The following TXNRD1 variants were observed in gnomAD, a reference collection of about 807,000 sequenced individuals.
TXNRD1 encodes thioredoxin reductase 1, cytoplasmic.
Under a neutral mutation model 80.3 loss-of-function variants are expected in TXNRD1, and 57 were observed. The observed-to-expected ratio is 0.71, with a 90% CI of 0.57 to 0.89. The LOEUF is 0.89. Among genes scored for constraint, TXNRD1 ranks in the 40% least tolerant of loss-of-function variants. The pLI is 0.00. For synonymous variants in TXNRD1, 291 were observed against 285.2 expected (o/e 1.02, Z -0.20); for missense variants, 730 against 803.0 (o/e 0.91, Z 1.10).
At chr12:104,310,110 GGGCTTTTTTTTGTTATTAAAGTTAA>G (rs1025546191) in intron 4 of TXNRD1, 11 of 1,491,216 alleles carry the variant, frequency 7.4e-6, no homozygotes, top group Middle Eastern at 1.8e-4. Flanking sequence ...GTAAGTTTGG[GGGCTTTTTTTTGTTATTAAAGTTAA>G]GGCTTTTTGT....
intron 3 of TXNRD1, among the ~76,000 whole-genome samples, chr12:104,268,904 G>A (rs183106638): frequency 7.9e-4 from 116 of 146,738 alleles, no homozygotes; most frequent in Non-Finnish European, 1.3e-3. Context: ...TTATAAATCC[G>A]TTGTTGTCAT....
At chr12:104,330,117 AT>A (rs921643407) in intron 13 of TXNRD1, among the ~76,000 whole-genome samples, 317 of 151,194 alleles carry the variant, frequency 2.1e-3, no homozygotes, top group African/African-American at 7.3e-3. Flanking sequence ...GGTTCTATGT[AT>A]TTTTTTTTAG....
intron 4 of TXNRD1, among the ~76,000 whole-genome samples, chr12:104,290,721 A>G (rs1208076812): frequency 3.3e-4 from 2 of 6,040 alleles, no homozygotes; most frequent in East Asian, 4.7e-3. Context: ...AGAAATATAC[A>G]TATATATATA....
chr12:104,326,059 C>T (rs973197795), intron 11 of TXNRD1, among the ~76,000 whole-genome samples: 3 of 152,150 alleles, frequency 2.0e-5, no homozygotes, highest in African/African-American at 7.2e-5. Context: ...TAGTTACAGA[C>T]TATGATGTCA....
intron 3 of TXNRD1, among the ~76,000 whole-genome samples, chr12:104,269,830 A>G (rs112954548): frequency 0.12 from 18,578 of 152,068 alleles, 1,483 homozygotes; most frequent in South Asian, 0.22. Flanking sequence ...TGTCCTCCCA[A>G]AGTGCTGGGA....
At chr12:104,268,666 C>T (rs545319447) in intron 3 of TXNRD1, among the ~76,000 whole-genome samples, 24 of 152,128 alleles carry the variant, frequency 1.6e-4, no homozygotes, top group African/African-American at 5.5e-4. Context: ...CTACAGGCTG[C>T]ACTACCACGC....
At chr12:104,266,822 C>T (rs1458653796) in intron 3 of TXNRD1, among the ~76,000 whole-genome samples, 2 of 152,052 alleles carry the variant, frequency 1.3e-5, no homozygotes, top group Admixed American at 6.6e-5. Context: ...ATTAGCCGGG[C>T]GTGTTGGCGG....
chr12:104,307,603 C>A (rs1329860548), intron 4 of TXNRD1, among the ~76,000 whole-genome samples: 2 of 152,138 alleles, frequency 1.3e-5, no homozygotes, highest in African/African-American at 4.8e-5. Flanking sequence ...TATTTTAACG[C>A]AGGTTATTTC....
intron 16 of TXNRD1, among the ~76,000 whole-genome samples, chr12:104,345,716 G>A (rs987129159): frequency 3.9e-5 from 6 of 152,102 alleles, no homozygotes; most frequent in African/African-American, 1.4e-4. Context: ...TCCTTGTAAT[G>A]TCTTAAATGA....
chr12:104,273,464 G>C (rs911593793), intron 3 of TXNRD1, among the ~76,000 whole-genome samples: 1 of 151,916 alleles, frequency 6.6e-6, no homozygotes, highest in African/African-American at 2.4e-5. Context: ...ATGGTGGTGC[G>C]CGCCTATAGT....
rs562899886 is a variant in TXNRD1, at chr12:104,278,743, C to T, written c.305-10188C>T. Among the ~76,000 whole-genome samples the T allele has an allele frequency of 2.2e-4, 34 of 152,128 alleles. No individual in the cohort carries two copies. In the South Asian group the frequency reaches 6.4e-3, roughly 29 times the overall value. ...GTCTTGATCTCCTGACCTCGTGATC[C>T]GCCCGCCTCGGCCTCCCAAAGTGTT... On this transcript the variant is annotated intron_variant, in intron 3 of 16. Transcript: ENST00000525566.
chr12:104,288,673 A>G, intron 3 of TXNRD1: 2 of 1,177,266 alleles, frequency 1.7e-6, no homozygotes, highest in South Asian at 3.2e-5. Context: ...AACCCTGACT[A>G]GAACTCTGAC....
intron 2 of TXNRD1, among the ~76,000 whole-genome samples, chr12:104,252,660 T>A (rs867585553): frequency 0.033 from 1,747 of 52,486 alleles, 43 homozygotes; most frequent in African/African-American, 0.1. Flanking sequence ...ATTTATTATT[T>A]TTTATATATA....
At position 104,252,662 on chromosome 12, in the gene TXNRD1, T is replaced by TATATATATATATATATATATATA. The variant is rs756948232; in HGVS notation, c.243+984_243+985insATATATATATATATATATATATA. On this transcript the variant is annotated intron_variant, in intron 2 of 16. Transcript: ENST00000525566. ...CACTGAGAGGTTAATTTATTATTTT[T>TATATATATATATATATATATATA]TATATATATATATATATATATATAT... Among the ~76,000 whole-genome samples the TATATATATATATATATATATATA allele has an allele frequency of 3.1e-4, 14 of 45,812 alleles. 1 individual carries two copies. The highest frequency in any genetic ancestry group is 8.5e-4 in the African/African-American group (10 of 11,734). 30.1% of individuals were successfully genotyped at this position (45,812 alleles called of 152,430 possible).
Position 104,311,425 on chromosome 12 carries a change from GTGTTGTC to G in TXNRD1, c.537+30_537+36del, listed in dbSNP as rs564735344. On this transcript the variant is annotated intron_variant, in intron 5 of 16. Transcript: ENST00000525566. ...GGCAGCTGCTAAGGCAAGGCTCCTT[GTGTTGTC>G]TGTTGTCTGTTGTCTGGGTGGTGAT... 18 of 1,612,002 alleles carry G rather than the reference GTGTTGTC, an allele frequency of 1.1e-5. No homozygotes were observed. The highest frequency in any genetic ancestry group is 4.5e-5 in the East Asian group (2 of 44,876).
intron 3 of TXNRD1, among the ~76,000 whole-genome samples, chr12:104,278,129 A>G (rs1046818898): frequency 1.0e-4 from 15 of 149,232 alleles, no homozygotes; most frequent in Non-Finnish European, 1.5e-4. Context: ...CACCCGCCTC[A>G]GCCTCCCAAA....
chr12:104,232,295 G>A (rs1241380275), intron 1 of TXNRD1, among the ~76,000 whole-genome samples: 1 of 152,166 alleles, frequency 6.6e-6, no homozygotes, highest in Admixed American at 6.5e-5. Context: ...TGGCACGGTG[G>A]CTCATGCCTA....
At chr12:104,260,391 C>T (rs1453478960) in intron 3 of TXNRD1, among the ~76,000 whole-genome samples, 4 of 152,052 alleles carry the variant, frequency 2.6e-5, no homozygotes, top group Non-Finnish European at 5.9e-5. Context: ...TGCTTGGACC[C>T]GGGAGGCAGA....
intron 16 of TXNRD1, among the ~76,000 whole-genome samples, chr12:104,341,172 G>A (rs142132834): frequency 6.6e-6 from 1 of 152,292 alleles, no homozygotes; most frequent in East Asian, 1.9e-4. Context: ...CCAAAGGCCT[G>A]TTCTCCTTGG....
Sources: gnomAD v4.1 joint callset for allele counts (sites outside exome capture counted in the v4.1 genomes callset) on GRCh38, gnomAD v4.1.1 for gene constraint, MANE v1.5 for transcripts, NCBI Gene and HGNC (gene_info 2026-07-23, HGNC 2026-07-21) for gene names.